Variants in FOXP2 observed in about 807,000 individuals in gnomAD.
FOXP2 encodes forkhead box protein P2.
FOXP2 carries 12 observed loss-of-function variants against 115.8 expected under a neutral mutation model. That is an observed-to-expected ratio of 0.10 (90% CI 0.07 to 0.17). The LOEUF is 0.17. Among genes scored for constraint, FOXP2 ranks in the 10% least tolerant of loss-of-function variants. The pLI, the probability that FOXP2 is intolerant of heterozygous loss-of-function variation, is 1.00. For synonymous variants in FOXP2, 328 were observed against 297.7 expected (o/e 1.10, Z -1.05); for missense variants, 629 against 843.5 (o/e 0.75, Z 3.15).
intron 3 of FOXP2, among the ~76,000 whole-genome samples, chr7:114,599,470 A>T (rs1405457677): frequency 6.6e-6 from 1 of 152,114 alleles, no homozygotes; most frequent in Non-Finnish European, 1.5e-5. Flanking sequence ...ACTGGGCTGT[A>T]AATTTCTTTG....
chr7:114,492,098 T>G (rs1241888377), intron 2 of FOXP2, among the ~76,000 whole-genome samples: 3 of 152,190 alleles, frequency 2.0e-5, no homozygotes, highest in Non-Finnish European at 4.4e-5. Flanking sequence ...AGTCTGTTAT[T>G]GGTCTATTCA....
chr7:114,541,832 C>T (rs534691019), intron 3 of FOXP2, among the ~76,000 whole-genome samples: 3 of 151,424 alleles, frequency 2.0e-5, no homozygotes, highest in Admixed American at 2.0e-4. Flanking sequence ...TATATATTCC[C>T]TTGACTTCTC....
At position 114,308,022 on chromosome 7, in the gene FOXP2, C is replaced by T. The variant is rs116888525; in HGVS notation, c.-11+19913C>T. Reference sequence around the variant, plus strand: ...AGCGTTAATTAATTGTTCCTCACCTCTCACCTTCCAGGGTCTAAGGTGTTT... The same window carrying T: ...AGCGTTAATTAATTGTTCCTCACCTTTCACCTTCCAGGGTCTAAGGTGTTT... On this transcript the variant is annotated intron_variant, in intron 2 of 17. Coordinates refer to the FOXP2 transcript ENST00000634411. Among the ~76,000 whole-genome samples the T allele has an allele frequency of 6.2e-4, 94 of 152,196 alleles. 1 individual carries two copies. The East Asian group carries it at 0.017, about 27-fold the overall frequency.
intron 1 of FOXP2, among the ~76,000 whole-genome samples, chr7:114,108,940 G>T (rs1791195759): frequency 6.6e-6 from 1 of 151,822 alleles, no homozygotes; most frequent in Non-Finnish European, 1.5e-5. Context: ...AAAAAAATAG[G>T]CCTTCACATT....
intron 1 of FOXP2, among the ~76,000 whole-genome samples, chr7:114,177,141 T>C (rs907583408): frequency 3.9e-5 from 6 of 152,158 alleles, no homozygotes; most frequent in Admixed American, 2.6e-4. Context: ...CTATTAGGAA[T>C]AATACTGCTC....
At chr7:114,295,725 T>C (rs1336905332) in intron 2 of FOXP2, among the ~76,000 whole-genome samples, 1 of 152,234 alleles carries the variant, frequency 6.6e-6, no homozygotes, top group East Asian at 1.9e-4. Context: ...CTTCATGTGT[T>C]GAACCTGGCA....
chr7:114,534,139 A>T (rs1439680274), intron 2 of FOXP2, among the ~76,000 whole-genome samples: 1 of 151,900 alleles, frequency 6.6e-6, no homozygotes, highest in Non-Finnish European at 1.5e-5. Flanking sequence ...AGTGTTTTTA[A>T]TCTTTAGTGA....
intron 2 of FOXP2, among the ~76,000 whole-genome samples, chr7:114,382,227 C>T (rs569943021): frequency 4.1e-4 from 63 of 152,196 alleles, no homozygotes; most frequent in East Asian, 1.4e-3. Context: ...CTGAGAAGGC[C>T]GCGCCAGTGT....
intron 2 of FOXP2, among the ~76,000 whole-genome samples, chr7:114,302,340 T>C (rs1796897757): frequency 6.6e-6 from 1 of 152,146 alleles, no homozygotes; most frequent in Admixed American, 6.6e-5. Flanking sequence ...TATAAATTTA[T>C]ATATATGTAC....
intron 1 of FOXP2, among the ~76,000 whole-genome samples, chr7:114,147,872 A>G (rs1461497118): frequency 2.0e-5 from 3 of 152,188 alleles, no homozygotes; most frequent in Non-Finnish European, 4.4e-5. Context: ...AAAGGAGGAT[A>G]GAATTCTCAA....
intron 2 of FOXP2, among the ~76,000 whole-genome samples, chr7:114,316,228 G>A (rs891426566): frequency 6.6e-6 from 1 of 152,148 alleles, no homozygotes; most frequent in Non-Finnish European, 1.5e-5. Context: ...AAACACATAG[G>A]TGAATTCACA....
intron 3 of FOXP2, among the ~76,000 whole-genome samples, chr7:114,570,457 A>G (rs937616940): frequency 1.3e-5 from 2 of 151,888 alleles, no homozygotes; most frequent in Non-Finnish European, 2.9e-5. Flanking sequence ...ATAACATCCC[A>G]TACACCAAAA....
intron 2 of FOXP2, among the ~76,000 whole-genome samples, chr7:114,482,483 A>G (rs2129238172): frequency 6.6e-6 from 1 of 151,676 alleles, no homozygotes; most frequent in South Asian, 2.1e-4. Flanking sequence ...ATATTATTTT[A>G]TATGTTTTAT....
At chr7:114,482,176 A>G (rs1237465739) in intron 2 of FOXP2, among the ~76,000 whole-genome samples, 2 of 151,446 alleles carry the variant, frequency 1.3e-5, no homozygotes, top group African/African-American at 4.8e-5. Flanking sequence ...GCATTGTGAT[A>G]TCATGCATGC....
rs1468705662 is a variant in FOXP2, at chr7:114,515,403, T to C, written c.169-19214T>C. ...TGTTGTTTCCTGACTTTTTAATGAT[T>C]GCCATTCTAACTGGTGTGAGATGGT... On this transcript the variant is annotated intron_variant, in intron 2 of 16. Coordinates refer to ENST00000350908, the MANE Select transcript of FOXP2 (RefSeq NM_014491.4). 1.2e-4 allele frequency among the ~76,000 whole-genome samples: 18 copies of C among 150,356 alleles called. No homozygotes were observed. The East Asian group carries it at 2.0e-3, about 17-fold the overall frequency.
At chr7:114,137,856 G>A (rs1390045365) in intron 1 of FOXP2, among the ~76,000 whole-genome samples, 1 of 152,010 alleles carries the variant, frequency 6.6e-6, no homozygotes. Context: ...ATACATACAT[G>A]TATTTCCTTG....
intron 1 of FOXP2, among the ~76,000 whole-genome samples, chr7:114,136,920 G>A (rs62469180): frequency 0.031 from 4,723 of 151,938 alleles, 94 homozygotes; most frequent in African/African-American, 0.051. Flanking sequence ...ATGGCCCCAG[G>A]CTTAAACAAT....
intron 2 of FOXP2, among the ~76,000 whole-genome samples, chr7:114,395,737 G>A (rs1406762470): frequency 6.6e-6 from 1 of 151,926 alleles, no homozygotes; most frequent in Non-Finnish European, 1.5e-5. Context: ...GTCTTTCTGT[G>A]TCTGGCTTAT....
intron 2 of FOXP2, among the ~76,000 whole-genome samples, chr7:114,321,971 A>T (rs2129181526): frequency 6.6e-6 from 1 of 151,724 alleles, no homozygotes; most frequent in Non-Finnish European, 1.5e-5. Flanking sequence ...TGCTCTGTTG[A>T]TGATTTTATT....
Sources: gnomAD v4.1 joint callset for allele counts (sites outside exome capture counted in the v4.1 genomes callset) on GRCh38, gnomAD v4.1.1 for gene constraint, MANE v1.5 for transcripts, NCBI Gene and HGNC (gene_info 2026-07-23, HGNC 2026-07-21) for gene names.